Variants in COL5A1 observed in about 807,000 individuals in gnomAD.
COL5A1 encodes the protein collagen type V alpha 1 chain.
A neutral mutation model predicts 263.7 loss-of-function variants in COL5A1; 16 were observed. That is an observed-to-expected ratio of 0.06 (90% CI 0.04 to 0.09). COL5A1 has a LOEUF of 0.09. Among genes scored for constraint, COL5A1 ranks in the 10% least tolerant of loss-of-function variants. The pLI is 1.00. For synonymous variants in COL5A1, 1,012 were observed against 1,004.5 expected (o/e 1.01, Z -0.14); for missense variants, 2,036 against 2,540.5 (o/e 0.80, Z 4.27).
At chr9:134,729,324 G>A (rs986323329) in intron 6 of COL5A1, among the ~76,000 whole-genome samples, 1 of 152,194 alleles carries the variant, frequency 6.6e-6, no homozygotes, top group Non-Finnish European at 1.5e-5. Flanking sequence ...CACCTAGCAG[G>A]GCCCGGGCCC....
Position 134,831,190 on chromosome 9 carries a change from C to T in COL5A1, c.5136+1146C>T, listed in dbSNP as rs1036570121. Among the ~76,000 whole-genome samples, 20 of 152,194 alleles carry T rather than the reference C, an allele frequency of 1.3e-4. 1 individual carries two copies. The highest frequency in any genetic ancestry group is 9.8e-4 in the Admixed American group (15 of 15,286). On this transcript the variant is annotated intron_variant, in intron 64 of 65. Transcript: ENST00000371817. ...TGGACACAGAGCACTGGCCCTGAGCCGCCTTTGCCCTGTCTGCACCTCTGA... is the reference window on the plus strand; with the variant it reads ...TGGACACAGAGCACTGGCCCTGAGCTGCCTTTGCCCTGTCTGCACCTCTGA...
chr9:134,804,927 G>T (rs768727244), intron 39 of COL5A1, 48 bp from the exon 40 acceptor site: 1 of 1,531,638 alleles, frequency 6.5e-7, no homozygotes, highest in Non-Finnish European at 9.0e-7. Context: ...CTGGTGAGAG[G>T]TCTGCGTCAC....
At position 134,690,970 on chromosome 9, in the gene COL5A1, A is replaced by G; in HGVS notation, c.168A>G (p.Thr56=). ...LDFHNLPDGI[T]KTTGFCATRR... ...TTCACAACTTGCCTGATGGAATAAC[A>G]AAGACAACAGGCTTTTGCGCCACGC... The change falls in exon 2 of 66, where the codon ACA becomes ACG. Residue 56 remains threonine (T), a synonymous_variant. Coordinates refer to ENST00000371817, the MANE Select transcript of COL5A1 (RefSeq NM_000093.5). 6.2e-7 allele frequency: 1 copy of G among 1,613,872 alleles called. No individual in the cohort carries two copies. Among genetic ancestry groups the G allele is most frequent in the Non-Finnish European group, 8.5e-7 (1 of 1,180,036 alleles).
At chr9:134,802,354 C>T (rs529225179) in intron 38 of COL5A1, among the ~76,000 whole-genome samples, 1 of 152,174 alleles carries the variant, frequency 6.6e-6, no homozygotes, top group Non-Finnish European at 1.5e-5. Flanking sequence ...GTGGGTGTCA[C>T]GGGCCTGCGA....
intron 65 of COL5A1, among the ~76,000 whole-genome samples, chr9:134,835,927 T>A (rs1237771537): frequency 6.6e-6 from 1 of 152,186 alleles, no homozygotes; most frequent in Non-Finnish European, 1.5e-5. Context: ...GGTGCAGCTG[T>A]GCCCCAAGAG....
chr9:134,731,776 T>C, intron 8 of COL5A1, 113 bp downstream of exon 8: 1 of 1,185,550 alleles, frequency 8.4e-7, no homozygotes, highest in East Asian at 2.4e-5. Flanking sequence ...AGCTCAAGTG[T>C]TACACCCTAT....
At chr9:134,668,915 C>G (rs1832438003) in intron 1 of COL5A1, among the ~76,000 whole-genome samples, 1 of 151,592 alleles carries the variant, frequency 6.6e-6, no homozygotes, top group Non-Finnish European at 1.5e-5. Flanking sequence ...ATCCATCCAT[C>G]CTTCTGCCCA....
rs368168386 is a variant in COL5A1, at chr9:134,732,125, C to T, written c.1387C>T (p.Pro463Ser). Residue 463 changes from proline to serine, a missense_variant and splice_region_variant, in exon 9 of 66, where the codon CCG becomes TCG. By Grantham distance (74) the Pro-to-Ser change is moderately conservative. Around this residue, in one of 3 missense-constraint regions of COL5A1, gnomAD observed 600 missense variants for 634.5 expected, o/e 0.95. Transcript: ENST00000371817. ...AAAGGGAGAACCAGCGATTATCGAG[C>T]CGGTGAGGACATTTTCTCATTCCCT... Reference protein sequence around the residue: ...GQKGEPAIIEPGMLIEGPPGP... With the variant: ...GQKGEPAIIESGMLIEGPPGP... The T allele has an allele frequency of 7.4e-6, 12 of 1,614,210 alleles. No homozygotes were observed. The highest frequency in any genetic ancestry group is 1.0e-5 in the Non-Finnish European group (12 of 1,180,010).
intron 58 of COL5A1, 43 bp downstream of exon 58, chr9:134,820,266 A>G (rs944594359): frequency 4.0e-6 from 6 of 1,515,676 alleles, no homozygotes; most frequent in Middle Eastern, 1.7e-4. Context: ...GTCGAGAGGC[A>G]TTTTAGATCC....
Position 134,652,830 on chromosome 9 carries a change from C to T in COL5A1, c.109+10534C>T, listed in dbSNP as rs1485493219. On this transcript the variant is annotated intron_variant, in intron 1 of 65. Transcript: ENST00000371817. This position sits in a 1 kb window ranked among gnomAD's most constrained non-coding sequence, Gnocchi z 4.4. ...AAACTTTACCAGGCCCCAGAATCCC[C>T]CCGAGGCCTCTCTTAAGGCACAGAT... 2 of 436,466 alleles carry T rather than the reference C, an allele frequency of 4.6e-6. No homozygotes were observed. The highest frequency in any genetic ancestry group is 2.0e-5 in the African/African-American group (1 of 48,966). 27.0% of individuals were successfully genotyped at this position (436,466 alleles called of 1,614,324 possible). A position where few individuals can be genotyped will look rare whatever the true frequency, so the allele number is the denominator to read the frequency against.
At chr9:134,775,006 T>G in intron 27 of COL5A1, 94 bp downstream of exon 27, 1 of 1,153,486 alleles carries the variant, frequency 8.7e-7, no homozygotes, top group South Asian at 1.3e-5. Context: ...TCTCTGTGGT[T>G]TAATGTCCCT....
At chr9:134,654,875 T>C in intron 1 of COL5A1, among the ~76,000 whole-genome samples, 1 of 104,198 alleles carries the variant, frequency 9.6e-6, no homozygotes, top group Non-Finnish European at 1.9e-5. Flanking sequence ...TGTCTAGGGC[T>C]GGGGGTGTGT....
chr9:134,707,284 C>G (rs1281545876), intron 4 of COL5A1, among the ~76,000 whole-genome samples: 1 of 152,240 alleles, frequency 6.6e-6, no homozygotes, highest in African/African-American at 2.4e-5. Flanking sequence ...TAAACTCCAG[C>G]TCTCCCTGCA....
Position 134,773,244 on chromosome 9 carries a change from T to A in COL5A1, c.2331+410T>A, listed in dbSNP as rs192846157. 5.0e-3 allele frequency among the ~76,000 whole-genome samples: 761 copies of A among 151,966 alleles called. 6 individuals carry two copies. The highest frequency in any genetic ancestry group is 0.017 in the African/African-American group (715 of 41,450). ...GGTCACGCCGGTGCCAGGGATGGAG[T>A]CTTTCTATGGATGACTGTGTCCGAC... On this transcript the variant is annotated intron_variant, in intron 26 of 65. Transcript: ENST00000371817.
intron 1 of COL5A1, among the ~76,000 whole-genome samples, chr9:134,689,269 A>T (rs1423732695): frequency 1.3e-5 from 2 of 152,102 alleles, no homozygotes; most frequent in East Asian, 1.9e-4. Context: ...CTCACCTCCA[A>T]ACCTTCTGCC....
chr9:134,781,315 A>G (rs147735250), intron 28 of COL5A1, among the ~76,000 whole-genome samples: 136 of 152,374 alleles, frequency 8.9e-4, no homozygotes, highest in African/African-American at 3.1e-3. Flanking sequence ...TCCCAAGGGC[A>G]TCCGCACAGC....
intron 18 of COL5A1, 22 bp from the exon 19 acceptor site, chr9:134,761,903 C>T (rs200472347): frequency 5.2e-5 from 84 of 1,612,862 alleles, no homozygotes; most frequent in South Asian, 1.1e-4. Flanking sequence ...GAGAGGCTGA[C>T]GTTGACCCTT....
chr9:134,802,833 C>T, intron 38 of COL5A1, 55 bp from the exon 39 acceptor site: 1 of 1,297,144 alleles, frequency 7.7e-7, no homozygotes, highest in Non-Finnish European at 1.1e-6. Context: ...AAGAGATTCT[C>T]ACTCCCTTGC....
rs79710713 is a variant in COL5A1, at chr9:134,737,374, C to T, written c.1390-1100C>T. Among the ~76,000 whole-genome samples, 785 of 152,318 alleles carry T rather than the reference C, an allele frequency of 5.2e-3. 5 individuals carry two copies. Among genetic ancestry groups the T allele is most frequent in the Admixed American group, 8.8e-3 (134 of 15,304 alleles). ...GCGGCTGACGGGTGCTGTGTCGCAA[C>T]GTGGGGAGCAGACACTTGAGGGGTG... is the stretch of plus-strand genomic sequence containing the variant. On this transcript the variant is annotated intron_variant, in intron 9 of 65. Transcript: ENST00000371817.
Sources: allele counts gnomAD v4.1 joint callset (sites outside exome capture counted in the v4.1 genomes callset), GRCh38; gene constraint gnomAD v4.1.1; regional missense constraint gnomAD v4.1.1; non-coding constraint Gnocchi (gnomAD v3.1); transcripts MANE v1.5; gene names NCBI Gene and HGNC (gene_info 2026-07-23, HGNC 2026-07-21).